Variants in RASAL2 observed in about 807,000 individuals in gnomAD.
RASAL2 encodes RAS protein activator like 2, also known as ras GTPase-activating protein nGAP.
A neutral mutation model predicts 128.9 loss-of-function variants in RASAL2; 58 were observed. That is an observed-to-expected ratio of 0.45 (90% CI 0.36 to 0.56). The LOEUF (loss-of-function observed/expected upper bound fraction) is 0.56, where lower values mean the gene tolerates loss of function less well. RASAL2 is among the 20% of genes least tolerant of loss of function. The probability of loss-of-function intolerance (pLI) is 0.00; values close to 1 mark genes in which losing one functional copy is unlikely to be tolerated. For synonymous variants in RASAL2, 561 were observed against 580.8 expected, an observed-to-expected ratio of 0.97 and a Z score of 0.49; for missense variants, 1,360 against 1,601.6, an observed-to-expected ratio of 0.85 and a Z score of 2.57.
intron 1 of RASAL2, among the ~76,000 whole-genome samples, chr1:178,228,279 C>T (rs941359331): frequency 3.3e-5 from 5 of 152,142 alleles, no homozygotes; most frequent in Middle Eastern, 3.4e-3. Flanking sequence ...AATAGGGAAG[C>T]TTATGGTAAA....
Position 178,454,561 on chromosome 1 carries a change from C to T in RASAL2, c.2124C>T (p.Thr708=). 1.9e-6 allele frequency: 3 copies of T among 1,613,870 alleles called. No homozygotes were observed. The highest frequency in any genetic ancestry group is 1.7e-4 in the Middle Eastern group (1 of 6,060). Residue 708 remains threonine (T), a synonymous_variant, in exon 12 of 18, where the codon ACC becomes ACT. Coordinates refer to ENST00000367649, the MANE Select transcript of RASAL2 (RefSeq NM_170692.4). ...CTAATCCAGACACCATCTCAAACACCCCAGGCTTTGATGGTTACATTGATC... is the reference window on the plus strand; with the variant it reads ...CTAATCCAGACACCATCTCAAACACTCCAGGCTTTGATGGTTACATTGATC... ...EISNPDTISN[T]PGFDGYIDLG...
At chr1:178,130,463 A>G (rs1036428190) in intron 1 of RASAL2, among the ~76,000 whole-genome samples, 3 of 152,216 alleles carry the variant, frequency 2.0e-5, no homozygotes, top group African/African-American at 7.2e-5. Context: ...AATCTCAACT[A>G]TATCACCTCT....
intron 1 of RASAL2, among the ~76,000 whole-genome samples, chr1:178,143,062 T>A (rs1660591408): frequency 6.6e-6 from 1 of 152,040 alleles, no homozygotes; most frequent in African/African-American, 2.4e-5. Flanking sequence ...AAGGCCTGAC[T>A]GGAGACCGCA....
At chr1:178,210,333 T>A (rs1663209660) in intron 1 of RASAL2, among the ~76,000 whole-genome samples, 2 of 152,212 alleles carry the variant, frequency 1.3e-5, no homozygotes, top group African/African-American at 4.8e-5. Flanking sequence ...ACACATCATA[T>A]CTCTGTTAAT....
At chr1:178,133,485 CTTTTTTTTT>C (rs928071975) in intron 1 of RASAL2, among the ~76,000 whole-genome samples, 1 of 137,058 alleles carries the variant, frequency 7.3e-6, no homozygotes, top group Non-Finnish European at 1.6e-5. Context: ...CCTGTTACTT[CTTTTTTTTT>C]TTTTTTTAAA....
At chr1:178,097,064 A>T (rs116389330) in intron 1 of RASAL2, among the ~76,000 whole-genome samples, 6,690 of 152,300 alleles carry the variant, frequency 0.044, 488 homozygotes, top group African/African-American at 0.15. Context: ...GTTGTCTTGG[A>T]TCACCTAGGT....
chr1:178,160,392 C>T (rs1661238188), intron 1 of RASAL2, among the ~76,000 whole-genome samples: 2 of 152,016 alleles, frequency 1.3e-5, no homozygotes, highest in Admixed American at 6.5e-5. Context: ...TCCAGAACTT[C>T]GGGAGGCCGA....
intron 2 of RASAL2, 33 bp from the exon 3 acceptor site, chr1:178,299,958 TA>T: frequency 6.2e-7 from 1 of 1,607,240 alleles, no homozygotes; most frequent in Non-Finnish European, 8.5e-7. Context: ...GTGAGTTCAC[TA>T]TTAAGTTTTA....
chr1:178,202,132 T>C (rs994782622), intron 1 of RASAL2, among the ~76,000 whole-genome samples: 4 of 152,164 alleles, frequency 2.6e-5, no homozygotes, highest in Admixed American at 6.5e-5. Context: ...CCAGTTAAAG[T>C]AGTGGCTTAT....
intron 3 of RASAL2, among the ~76,000 whole-genome samples, chr1:178,352,614 C>G (rs1259077673): frequency 6.6e-6 from 1 of 152,194 alleles, no homozygotes; most frequent in Non-Finnish European, 1.5e-5. Flanking sequence ...TCTTACAGCT[C>G]CACTAGGTAG....
At position 178,238,706 on chromosome 1, in the gene RASAL2, A is replaced by G. The variant is rs377687911; in HGVS notation, c.203-44858A>G. Among the ~76,000 whole-genome samples, 7 of 152,248 alleles carry G rather than the reference A, an allele frequency of 4.6e-5. No individual in the cohort carries two copies. The East Asian group carries it at 1.3e-3, about 29-fold the overall frequency. ...TTAGTCTTAGTCAAATACCTTCTGT[A>G]GTTAGTAATTTCCCACACCTCTGCT... On this transcript the variant is annotated intron_variant, in intron 1 of 17. Coordinates refer to ENST00000367649, the MANE Select transcript of RASAL2 (RefSeq NM_170692.4).
chr1:178,399,712 G>A (rs1391648802), intron 4 of RASAL2, among the ~76,000 whole-genome samples: 2 of 152,222 alleles, frequency 1.3e-5, no homozygotes, highest in African/African-American at 4.8e-5. Context: ...ATTTATAATA[G>A]TACGTTTAAT....
intron 1 of RASAL2, among the ~76,000 whole-genome samples, chr1:178,269,876 C>T (rs1004145676): frequency 2.0e-5 from 3 of 152,106 alleles, no homozygotes; most frequent in Admixed American, 2.0e-4. Context: ...TTCTTTATTG[C>T]GTGAGATCCA....
chr1:178,169,058 A>G lies in RASAL2; in HGVS notation c.202+74364A>G, dbSNP rs192550141. The stretch of plus-strand genomic sequence containing the variant: ...GCAGTATTTATTGTGTGAGAGCAAT[A>G]GAAGATATAATCTTTGATTATGAAA... On this transcript the variant is annotated intron_variant, in intron 1 of 17. Transcript: ENST00000367649. Among the ~76,000 whole-genome samples the G allele has an allele frequency of 6.6e-5, 10 of 152,256 alleles. No individual in the cohort carries two copies. The East Asian group carries it at 1.9e-3, about 29-fold the overall frequency.
At chr1:178,120,535 T>G (rs1044145618) in intron 1 of RASAL2, among the ~76,000 whole-genome samples, 1 of 152,180 alleles carries the variant, frequency 6.6e-6, no homozygotes, top group Non-Finnish European at 1.5e-5. Context: ...TTCCACCAGA[T>G]GCGGCTGTAC....
At chr1:178,133,389 T>C (rs925619117) in intron 1 of RASAL2, among the ~76,000 whole-genome samples, 2 of 152,114 alleles carry the variant, frequency 1.3e-5, no homozygotes, top group African/African-American at 4.8e-5. Flanking sequence ...ACTCTATGAA[T>C]AGCAGGACAG....
At chr1:178,149,594 T>G (rs968682372) in intron 1 of RASAL2, among the ~76,000 whole-genome samples, 1 of 147,046 alleles carries the variant, frequency 6.8e-6, no homozygotes, top group African/African-American at 2.7e-5. Context: ...TTGCCAAACT[T>G]TGAGTATCAC....
intron 3 of RASAL2, among the ~76,000 whole-genome samples, chr1:178,370,122 GAACAA>G (rs1212940554): frequency 1.3e-5 from 2 of 152,140 alleles, no homozygotes; most frequent in African/African-American, 4.8e-5. Flanking sequence ...TTAGGCAGTT[GAACAA>G]AACAAAACAG....
chr1:178,441,918 A>G (rs1439080686), intron 7 of RASAL2, among the ~76,000 whole-genome samples: 1 of 152,118 alleles, frequency 6.6e-6, no homozygotes, highest in Non-Finnish European at 1.5e-5. Context: ...GCCTCTAGTA[A>G]GGCCTCAGGA....
Sources: allele counts gnomAD v4.1 joint callset (sites outside exome capture counted in the v4.1 genomes callset), GRCh38; gene constraint gnomAD v4.1.1; transcripts MANE v1.5; gene names NCBI Gene and HGNC (gene_info 2026-07-23, HGNC 2026-07-21).